The following FOXM1 variants were observed in gnomAD, a reference collection of about 807,000 sequenced individuals.
The protein encoded by FOXM1 is forkhead box M1.
Under a neutral mutation model 63.6 loss-of-function variants are expected in FOXM1, and 25 were observed. The observed-to-expected ratio is 0.39, with a 90% confidence interval of 0.29 to 0.55. The LOEUF is 0.55. FOXM1 is among the 20% of genes least tolerant of loss of function. FOXM1 has a pLI of 0.60. For missense variants in FOXM1, 879 were observed against 958.7 expected, an observed-to-expected ratio of 0.92 and a Z score of 1.10; for synonymous variants, 387 against 376.9, an observed-to-expected ratio of 1.03 and a Z score of -0.31.
intron 3 of FOXM1, among the ~76,000 whole-genome samples, chr12:2,870,068 G>A (rs539875186): frequency 4.5e-4 from 67 of 149,484 alleles, no homozygotes; most frequent in Non-Finnish European, 7.8e-4. Flanking sequence ...TTGGCTCACC[G>A]CAAGCTCTGC....
chr12:2,872,017 A>G lies in FOXM1; in HGVS notation c.654+79T>C. 2 of 1,465,166 alleles carry G rather than the reference A, an allele frequency of 1.4e-6. No homozygotes were observed. Among genetic ancestry groups the G allele is most frequent in the African/African-American group, 1.4e-5 (1 of 72,034 alleles). 90.8% of individuals were successfully genotyped at this position (1,465,166 alleles called of 1,614,324 possible). A position where few individuals can be genotyped will look rare whatever the true frequency, so the allele number is the denominator to read the frequency against. On this transcript the variant is annotated intron_variant, in intron 3 of 8. Coordinates refer to ENST00000359843, the MANE Select transcript of FOXM1 (RefSeq NM_021953.4). The surrounding 1 kb of genome is among the most constrained non-coding windows in gnomAD (Gnocchi z 4.0). ...CAGAACTTGGAAATTCTGGTCCATC[A>G]GGCCACTTGATCCATTTCCCTACCT...
At chr12:2,867,045 C>A (rs376346540) in intron 4 of FOXM1, among the ~76,000 whole-genome samples, 1 of 152,046 alleles carries the variant, frequency 6.6e-6, no homozygotes, top group Admixed American at 6.6e-5. Flanking sequence ...CCCAGCTACT[C>A]GGGAGGCTGA....
At chr12:2,870,478 C>A (rs752156503) in intron 3 of FOXM1, among the ~76,000 whole-genome samples, 5 of 151,834 alleles carry the variant, frequency 3.3e-5, no homozygotes, top group African/African-American at 4.8e-5. Flanking sequence ...TCCTGGCCAC[C>A]ATGGTGAAAC....
Position 2,859,125 on chromosome 12 carries a change from A to G in FOXM1, c.1805T>C (p.Ile602Thr), listed in dbSNP as rs2098101706. 6.2e-7 allele frequency: 1 copy of G among 1,606,104 alleles called. No individual in the cohort carries two copies. Among genetic ancestry groups the G allele is most frequent in the African/African-American group, 1.3e-5 (1 of 74,728 alleles). The change falls in exon 9 of 9, where the codon ATT becomes ACT. Residue 602 changes from isoleucine to threonine, a missense_variant. Ile to Thr is a moderately conservative substitution (Grantham distance 89). This residue lies in a region of FOXM1 where 486 missense variants were observed against 453.5 expected (regional missense o/e 1.07). Transcript: ENST00000359843. ...QEVGGPFKTP[I>T]KETLPISSTP... ...GGAGGAGATGGGCAGCGTTTCCTTA[A>G]TGGGTGTCTTAAAAGGTCCTCCCAC...
In FOXM1 at chr12:2,874,522, G is replaced by A. The variant is rs1026202558; in HGVS notation, c.-44C>T. 3.2e-6 allele frequency: 5 copies of A among 1,545,844 alleles called. No homozygotes were observed. Among genetic ancestry groups the A allele is most frequent in the Non-Finnish European group, 4.3e-6 (5 of 1,152,928 alleles). On this transcript the variant is annotated 5_prime_UTR_variant, in exon 2 of 9. Coordinates refer to ENST00000359843, the MANE Select transcript of FOXM1 (RefSeq NM_021953.4). This position sits in a 1 kb window ranked among gnomAD's most constrained non-coding sequence, Gnocchi z 4.3. ...CTCTCCATTGAGAATCACAAGTGTGGACCCTGGAAAATGCAAATAGTGGCA... is the reference window on the plus strand; with the variant it reads ...CTCTCCATTGAGAATCACAAGTGTGAACCCTGGAAAATGCAAATAGTGGCA...
rs1276426959 is a variant in FOXM1 at position 2,874,210 on chromosome 12, G to C, written c.269C>G (p.Ala90Gly). The change falls in exon 2 of 9, where the codon GCA becomes GGA. Residue 90 changes from alanine (A) to glycine (G), a missense_variant. Physicochemically the swap from Ala to Gly is moderately conservative, Grantham distance 60. This residue lies in a region of FOXM1 where 255 missense variants were observed against 292.4 expected (regional missense o/e 0.87). Transcript: ENST00000359843. This position sits in a 1 kb window ranked among gnomAD's most constrained non-coding sequence, Gnocchi z 4.3. Reference protein sequence around the residue: ...NNANIHSIITALTAKGKESGS... With the variant: ...NNANIHSIITGLTAKGKESGS... ...ACTCTCTTTTCCCTTGGCAGTCAGT[G>C]CTGTGATGATGCTGTGAATATTAGC... 2 of 1,614,088 alleles carry C rather than the reference G, an allele frequency of 1.2e-6. No homozygotes were observed. Among genetic ancestry groups the C allele is most frequent in the African/African-American group, 2.7e-5 (2 of 74,934 alleles).
rs556937133 is a variant in FOXM1 at position 2,874,988 on chromosome 12, ATT to A, written c.-47-465_-47-464del. Among the ~76,000 whole-genome samples the A allele has an allele frequency of 8.7e-4, 110 of 127,120 alleles. No individual in the cohort carries two copies. Among genetic ancestry groups the A allele is most frequent in the South Asian group, 5.4e-3 (22 of 4,052 alleles). 83.4% of individuals were successfully genotyped at this position (127,120 alleles called of 152,430 possible). A position where few individuals can be genotyped will look rare whatever the true frequency, so the allele number is the denominator to read the frequency against. ...AATCCATTCAAGACAAAGGATTTTA[ATT>A]TTTTTTTTTTTTTTTTTTTTGAGAC... On this transcript the variant is annotated intron_variant, in intron 1 of 8. Transcript: ENST00000359843. The surrounding 1 kb of genome is among the most constrained non-coding windows in gnomAD (Gnocchi z 4.3).
chr12:2,868,805 C>T (rs775967447), intron 3 of FOXM1, 51 bp from the exon 4 acceptor site: 7 of 1,471,960 alleles, frequency 4.8e-6, no homozygotes, highest in Non-Finnish European at 6.5e-6. Context: ...GAGAAGCACC[C>T]CCAACCCAAG....
In FOXM1 at chr12:2,859,356, C is replaced by G; in HGVS notation, c.1574G>C (p.Arg525Pro). 6.2e-7 allele frequency: 1 copy of G among 1,613,728 alleles called. No individual in the cohort carries two copies. Among genetic ancestry groups the G allele is most frequent in the South Asian group, 1.1e-5 (1 of 91,066 alleles). ...AATCACAAGCATTTCCGAGACACAC[C>G]GGGTTGGGGACCTAAGCCCACTGTA... ...KSYSGLRSPT[R>P]CVSEMLVIQH... Residue 525 changes from arginine to proline, a missense_variant, in exon 9 of 9, where the codon CGG becomes CCG. Physicochemically the swap from Arg to Pro is moderately radical, Grantham distance 103. This residue lies in a region of FOXM1 where 486 missense variants were observed against 453.5 expected (regional missense o/e 1.07). Coordinates refer to ENST00000359843, the MANE Select transcript of FOXM1 (RefSeq NM_021953.4).
In FOXM1 at chr12:2,858,737, G is replaced by A; in HGVS notation, c.2193C>T (p.Leu731=). 1 of 1,614,218 alleles carries A rather than the reference G, an allele frequency of 6.2e-7. No homozygotes were observed. Among genetic ancestry groups the A allele is most frequent in the Non-Finnish European group, 8.5e-7 (1 of 1,180,026 alleles). ...GLVLDTMNDS[L]SKILLDISFP... is the part of the protein sequence containing the mutation. ...AGCTGATGTCCAGCAGGATCTTGCT[G>A]AGGCTGTCATTCATTGTGTCCAGGA... Residue 731 remains leucine, a synonymous_variant, in exon 9 of 9, where the codon CTC becomes CTT. Coordinates refer to ENST00000359843, the MANE Select transcript of FOXM1 (RefSeq NM_021953.4).
chr12:2,866,453 G>T lies in FOXM1; in HGVS notation c.915C>A (p.Val305=). 1.3e-6 allele frequency: 2 copies of T among 1,572,354 alleles called. No homozygotes were observed. Among genetic ancestry groups the T allele is most frequent in the Non-Finnish European group, 1.7e-6 (2 of 1,160,740 alleles). Residue 305 remains valine (V), a synonymous_variant, in exon 5 of 9, where the codon GTC becomes GTA. Transcript: ENST00000359843. The part of the protein sequence containing the change: ...FVRETSANGK[V]SFWTIHPSAN... The stretch of plus-strand genomic sequence containing the variant: ...CACTGGGGTGAATGGTCCAGAAGGA[G>T]ACCTTGCCATTGGCAGACGTCTCCC...
chr12:2,859,773 A>G (rs1209869274), intron 8 of FOXM1, 110 bp from the exon 9 acceptor site: 4 of 775,714 alleles, frequency 5.2e-6, no homozygotes, highest in African/African-American at 1.8e-5. Context: ...CTTAAAATCT[A>G]TTAAATATGA....
In FOXM1 at chr12:2,859,494, A is replaced by G. The variant is rs777430277; in HGVS notation, c.1436T>C (p.Val479Ala). ...CCACTCTTCCAAGGGAGGGCTCTCC[A>G]CTTTGATGGGTCTCGCTAAGTGTGG... ...EMPHLARPIK[V>A]ESPPLEEWPS... Residue 479 changes from valine to alanine, a missense_variant, in exon 9 of 9, where the codon GTG becomes GCG. Around this residue, in one of 4 missense-constraint regions of FOXM1, gnomAD observed 486 missense variants for 453.5 expected, o/e 1.07. Coordinates refer to ENST00000359843, the MANE Select transcript of FOXM1 (RefSeq NM_021953.4). The G allele has an allele frequency of 6.2e-7, 1 of 1,613,876 alleles. No individual in the cohort carries two copies. Among genetic ancestry groups the G allele is most frequent in the African/African-American group, 1.3e-5 (1 of 74,922 alleles).
rs1236614068 is a variant in FOXM1, at chr12:2,864,927, G to A, written c.1021-175C>T. On this transcript the variant is annotated intron_variant, in intron 6 of 8. Coordinates refer to ENST00000359843, the MANE Select transcript of FOXM1 (RefSeq NM_021953.4). The surrounding 1 kb of genome is among the most constrained non-coding windows in gnomAD (Gnocchi z 5.1). ...GGCGAGCAGTCTCCAAAACTGTGAT[G>A]AGTGGGCAGGTGGGTGGCCTACAGA... 3 of 670,832 alleles carry A rather than the reference G, an allele frequency of 4.5e-6. No individual in the cohort carries two copies. The highest frequency in any genetic ancestry group is 1.8e-5 in the African/African-American group (1 of 55,994). The allele number at this position is 670,832 out of a possible 1,614,324, so 41.6% of individuals were successfully genotyped here. A position where few individuals can be genotyped will look rare whatever the true frequency, so the allele number is the denominator to read the frequency against.
intron 8 of FOXM1, among the ~76,000 whole-genome samples, chr12:2,861,991 C>T (rs1463650293): frequency 6.6e-6 from 1 of 151,760 alleles, no homozygotes; most frequent in African/African-American, 2.4e-5. Flanking sequence ...CCAGCCTGAC[C>T]AACATGGTGA....
Position 2,874,597 on chromosome 12 carries a change from G to C in FOXM1, c.-47-72C>G, listed in dbSNP as rs567436905. On this transcript the variant is annotated intron_variant, in intron 1 of 8. Transcript: ENST00000359843. This position sits in a 1 kb window ranked among gnomAD's most constrained non-coding sequence, Gnocchi z 4.3. ...AGAAGAGGTCCTTTTAGAGAAAGGT[G>C]CTCCTCTTTATATGACCAGGAACAT... 8.4e-6 allele frequency: 9 copies of C among 1,070,026 alleles called. No individual in the cohort carries two copies. The Admixed American group carries it at 2.1e-4, about 25-fold the overall frequency. The allele number at this position is 1,070,026 out of a possible 1,614,324, so 66.3% of individuals were successfully genotyped here.
At chr12:2,875,630 T>C (rs540667134) in intron 1 of FOXM1, among the ~76,000 whole-genome samples, 2 of 152,334 alleles carry the variant, frequency 1.3e-5, no homozygotes, top group East Asian at 3.9e-4. Flanking sequence ...TTTATTAATT[T>C]CTTTTCCAGA....
Position 2,872,291 on chromosome 12 carries a change from G to A in FOXM1, c.503-44C>T. 1 of 1,607,874 alleles carries A rather than the reference G, an allele frequency of 6.2e-7. No homozygotes were observed. Among genetic ancestry groups the A allele is most frequent in the Non-Finnish European group, 8.5e-7 (1 of 1,175,586 alleles). On this transcript the variant is annotated intron_variant, in intron 2 of 8. Coordinates refer to ENST00000359843, the MANE Select transcript of FOXM1 (RefSeq NM_021953.4). This position sits in a 1 kb window ranked among gnomAD's most constrained non-coding sequence, Gnocchi z 4.0. ...AACACCCCACTTAGCTGCCTCATCA[G>A]ATGCCCAGGTGTGTCCATCAGAATT... is the stretch of plus-strand genomic sequence containing the variant.
intron 1 of FOXM1, among the ~76,000 whole-genome samples, chr12:2,875,677 T>C (rs765634191): frequency 6.6e-6 from 1 of 152,022 alleles, no homozygotes; most frequent in Non-Finnish European, 1.5e-5. Flanking sequence ...AGTACCACAA[T>C]GAGCTATCAT....
Sources: allele counts gnomAD v4.1 joint callset (sites outside exome capture counted in the v4.1 genomes callset), GRCh38; gene constraint gnomAD v4.1.1; regional missense constraint gnomAD v4.1.1; non-coding constraint Gnocchi (gnomAD v3.1); transcripts MANE v1.5; gene names NCBI Gene and HGNC (gene_info 2026-07-23, HGNC 2026-07-21).